Variants in PIP5K1C observed in about 807,000 individuals in gnomAD.
The protein encoded by PIP5K1C is phosphatidylinositol-4-phosphate 5-kinase type 1 gamma.
A neutral mutation model predicts 80.1 loss-of-function variants in PIP5K1C; 45 were observed. That is an observed-to-expected ratio of 0.56 (90% CI 0.44 to 0.72). The LOEUF (loss-of-function observed/expected upper bound fraction) is 0.72, where lower values mean the gene tolerates loss of function less well. Ranked by LOEUF, PIP5K1C falls within the 30% of genes least tolerant of loss-of-function variation. The probability of loss-of-function intolerance (pLI) is 0.00; values close to 1 mark genes in which losing one functional copy is unlikely to be tolerated. For missense variants in PIP5K1C, 753 were observed against 954.6 expected (o/e 0.79, Z 2.78); for synonymous variants, 498 against 420.1 (o/e 1.19, Z -2.27).
intron 1 of PIP5K1C, among the ~76,000 whole-genome samples, chr19:3,667,647 T>G (rs1294185060): frequency 6.6e-6 from 1 of 152,186 alleles, no homozygotes; most frequent in Non-Finnish European, 1.5e-5. Context: ...CGCCTAGGCT[T>G]GGCACCCACC....
Position 3,655,531 on chromosome 19 carries a change from T to C in PIP5K1C, c.621+874A>G, listed in dbSNP as rs952332430. Among the ~76,000 whole-genome samples the C allele has an allele frequency of 2.0e-5, 3 of 152,244 alleles. No homozygotes were observed. In the South Asian group the frequency reaches 6.2e-4, roughly 31 times the overall value. On this transcript the variant is annotated intron_variant, in intron 6 of 17. Coordinates refer to ENST00000335312, the MANE Select transcript of PIP5K1C (RefSeq NM_012398.3). ...TCCATAAATAATGCGTATGGGCACA[T>C]GGCCGCGCCCATCCATTCTCATGTG...
intron 10 of PIP5K1C, among the ~76,000 whole-genome samples, chr19:3,646,492 C>T (rs182701451): frequency 1.8e-4 from 27 of 152,208 alleles, no homozygotes; most frequent in African/African-American, 3.4e-4. Flanking sequence ...GGACTGTGAA[C>T]GACTCCACCC....
At chr19:3,699,611 G>A (rs547574338) in intron 1 of PIP5K1C, among the ~76,000 whole-genome samples, 1 of 152,286 alleles carries the variant, frequency 6.6e-6, no homozygotes, top group Admixed American at 6.5e-5. Flanking sequence ...CCTTCCTCTG[G>A]GCTCTGCACA....
intron 3 of PIP5K1C, among the ~76,000 whole-genome samples, chr19:3,663,729 G>A (rs563970498): frequency 1.3e-5 from 2 of 152,308 alleles, no homozygotes; most frequent in African/African-American, 2.4e-5. Context: ...CAACAATCAC[G>A]AGTGCTGGTG....
At chr19:3,694,419 C>G (rs1425774602) in intron 1 of PIP5K1C, among the ~76,000 whole-genome samples, 1 of 152,078 alleles carries the variant, frequency 6.6e-6, no homozygotes, top group Non-Finnish European at 1.5e-5. Context: ...GCTCCCAGTC[C>G]TGCTCTGTCC....
Position 3,632,870 on chromosome 19 carries a change from T to C in PIP5K1C, c.*297A>G. 3 of 451,034 alleles carry C rather than the reference T, an allele frequency of 6.7e-6. No individual in the cohort carries two copies. Among genetic ancestry groups the C allele is most frequent in the South Asian group, 3.9e-5 (1 of 25,440 alleles). The allele number at this position is 451,034 out of a possible 1,614,324, so 27.9% of individuals were successfully genotyped here. On this transcript the variant is annotated 3_prime_UTR_variant, in exon 18 of 18. Coordinates refer to ENST00000335312, the MANE Select transcript of PIP5K1C (RefSeq NM_012398.3). The stretch of plus-strand genomic sequence containing the variant: ...GGTTTGTTTGTGTCTTTTTTGTTCT[T>C]TTCCTAAAACGGCACACACGTGCTT...
intron 1 of PIP5K1C, among the ~76,000 whole-genome samples, chr19:3,668,112 G>A (rs2035075155): frequency 6.6e-6 from 1 of 152,008 alleles, no homozygotes; most frequent in Admixed American, 6.5e-5. Context: ...CTCCAGAGAG[G>A]ACAACAGAGG....
intron 14 of PIP5K1C, 33 bp downstream of exon 14, chr19:3,642,874 G>A (rs753628982): frequency 2.5e-6 from 4 of 1,597,070 alleles, no homozygotes; most frequent in East Asian, 2.2e-5. Context: ...AGGAGCTGGT[G>A]AGACCCAGGG....
chr19:3,690,597 A>G (rs753307961), intron 1 of PIP5K1C, among the ~76,000 whole-genome samples: 42 of 152,180 alleles, frequency 2.8e-4, no homozygotes, highest in Non-Finnish European at 4.7e-4. Context: ...ATGACACCAA[A>G]CTAGGAAACC....
intron 1 of PIP5K1C, among the ~76,000 whole-genome samples, chr19:3,693,952 C>A (rs538742552): frequency 2.0e-5 from 3 of 149,958 alleles, no homozygotes; most frequent in African/African-American, 7.4e-5. Flanking sequence ...GTGGCTCACA[C>A]CTGTAATCCC....
chr19:3,665,191 T>C (rs1157249933), intron 2 of PIP5K1C, among the ~76,000 whole-genome samples: 1 of 152,174 alleles, frequency 6.6e-6, no homozygotes, highest in African/African-American at 2.4e-5. Context: ...GCAAGAGGAT[T>C]GGGCAGCTCC....
chr19:3,638,002 C>T (rs554606632), intron 16 of PIP5K1C: 27 of 1,518,402 alleles, frequency 1.8e-5, no homozygotes, highest in South Asian at 1.5e-4. Context: ...ACCCCAGAGG[C>T]GCCACTGGAG....
At chr19:3,673,928 CT>C (rs2035284533) in intron 1 of PIP5K1C, 1 of 152,302 alleles carries the variant, frequency 6.6e-6, no homozygotes, top group African/African-American at 2.4e-5. Flanking sequence ...TCCTGCTAAA[CT>C]GCAGAAAGGC....
Position 3,674,790 on chromosome 19 carries a change from C to T in PIP5K1C, c.95-7437G>A, listed in dbSNP as rs550347141. Among the ~76,000 whole-genome samples the T allele has an allele frequency of 4.5e-4, 69 of 152,356 alleles. 1 individual carries two copies. The highest frequency in any genetic ancestry group is 1.5e-3 in the African/African-American group (63 of 41,586). ...TGCTGCGATGACAGACATGAGCCAC[C>T]GTGCCCGGCCTATCTGTGGACTTCT... On this transcript the variant is annotated intron_variant, in intron 1 of 17. Transcript: ENST00000335312.
intron 1 of PIP5K1C, among the ~76,000 whole-genome samples, chr19:3,699,805 G>A (rs889155088): frequency 2.0e-5 from 3 of 152,208 alleles, no homozygotes; most frequent in African/African-American, 7.2e-5. Flanking sequence ...CACAGCCGGG[G>A]CGGTGGAGGC....
At chr19:3,675,402 A>T (rs574625962) in intron 1 of PIP5K1C, among the ~76,000 whole-genome samples, 1 of 152,174 alleles carries the variant, frequency 6.6e-6, no homozygotes, top group Non-Finnish European at 1.5e-5. Context: ...GGACTTGGTC[A>T]AGGCTTGACC....
chr19:3,636,590 C>T (rs1481065306), intron 16 of PIP5K1C: 1 of 985,502 alleles, frequency 1.0e-6, no homozygotes. Context: ...CTGGGCAGCT[C>T]CTGGACGATC....
intron 1 of PIP5K1C, among the ~76,000 whole-genome samples, chr19:3,681,870 G>A (rs1441981028): frequency 1.3e-5 from 2 of 152,024 alleles, no homozygotes; most frequent in South Asian, 2.1e-4. Flanking sequence ...TTAGCCAAAC[G>A]AGCCCTGGGG....
At chr19:3,643,011 T>C in intron 13 of PIP5K1C, 72 bp from the exon 14 acceptor site, 1 of 1,568,932 alleles carries the variant, frequency 6.4e-7, no homozygotes. Flanking sequence ...CTGCCTTGCC[T>C]ACCCGCCTGC....
Sources: gnomAD v4.1 joint callset for allele counts (sites outside exome capture counted in the v4.1 genomes callset) on GRCh38, gnomAD v4.1.1 for gene constraint, MANE v1.5 for transcripts, NCBI Gene and HGNC (gene_info 2026-07-23, HGNC 2026-07-21) for gene names.